Variants in TDRD15 observed in about 807,000 individuals in gnomAD.
TDRD15 encodes the protein tudor domain containing 15, also known as tudor domain-containing protein 15.
For synonymous variants in TDRD15, 503 were observed against 314.5 expected (o/e 1.60, Z -6.34); for missense variants, 1,416 against 904.7 (o/e 1.57, Z -7.25).
intron 2 of TDRD15, among the ~76,000 whole-genome samples, 175 bp from the exon 3 acceptor site, chr2:21,134,587 T>C (rs2103440402): frequency 6.6e-6 from 1 of 152,136 alleles, no homozygotes; most frequent in Admixed American, 6.5e-5. Context: ...TTTATTAGTC[T>C]CATTTACTGA....
In TDRD15 at chr2:21,143,661, A is replaced by T. The variant is rs184880486; in HGVS notation, c.*389A>T. ...TAAAAACATTGCATGATAATAAAAA[A>T]AAACACAGAACACTTAAAAGGTAAA... On this transcript the variant is annotated 3_prime_UTR_variant, in exon 4 of 4. Transcript: ENST00000405799. Among the ~76,000 whole-genome samples, 12 of 151,864 alleles carry T rather than the reference A, an allele frequency of 7.9e-5. No homozygotes were observed. The East Asian group carries it at 2.3e-3, about 29-fold the overall frequency.
chr2:21,132,628 T>C (rs1665740978), intron 2 of TDRD15, among the ~76,000 whole-genome samples: 1 of 152,136 alleles, frequency 6.6e-6, no homozygotes, highest in Non-Finnish European at 1.5e-5. Flanking sequence ...GTAAATTAAA[T>C]TGATTTTAAT....
Position 21,142,435 on chromosome 2 carries a change from A to G in TDRD15, c.4968A>G (p.Leu1656=), listed in dbSNP as rs1665954202. 4.2e-6 allele frequency: 3 copies of G among 709,712 alleles called. No individual in the cohort carries two copies. Among genetic ancestry groups the G allele is most frequent in the Non-Finnish European group, 7.9e-6 (3 of 382,048 alleles). The allele number at this position is 709,712 out of a possible 1,614,324, so 44.0% of individuals were successfully genotyped here. A position where few individuals can be genotyped will look rare whatever the true frequency, so the allele number is the denominator to read the frequency against. The stretch of plus-strand genomic sequence containing the variant: ...CTAAGAACATATCATTTGAGTGCTT[A>G]TTTGCTGATTTGGAAATAAATATTC... ...ENSKNISFEC[L]FADLEINILF... is the part of the protein sequence containing the mutation. The change falls in exon 4 of 4, where the codon TTA becomes TTG. Residue 1656 remains leucine (L), a synonymous_variant. Transcript: ENST00000405799.
At chr2:21,145,728 G>T (rs941116914), downstream of TDRD15, among the ~76,000 whole-genome samples, 6 of 151,834 alleles carry the variant, frequency 4.0e-5, no homozygotes, top group African/African-American at 1.2e-4. Flanking sequence ...AAAATAACTG[G>T]TTTTTATTGC....
chr2:21,127,161 A>AT (rs1022966491), intron 1 of TDRD15, among the ~76,000 whole-genome samples: 83 of 149,968 alleles, frequency 5.5e-4, no homozygotes, highest in Middle Eastern at 3.5e-3. Flanking sequence ...TTTAAATTGG[A>AT]TTTTTTTTTT....
At position 21,138,744 on chromosome 2, in the gene TDRD15, C is replaced by G. The variant is rs1241291374; in HGVS notation, c.1277C>G (p.Ser426Cys). The G allele has an allele frequency of 5.6e-6, 4 of 715,858 alleles. No homozygotes were observed. The highest frequency in any genetic ancestry group is 7.8e-6 in the Non-Finnish European group (3 of 384,192). The allele number at this position is 715,858 out of a possible 1,614,324, so 44.3% of individuals were successfully genotyped here. A position where few individuals can be genotyped will look rare whatever the true frequency, so the allele number is the denominator to read the frequency against. The change falls in exon 4 of 4, where the codon TCT becomes TGT. Residue 426 changes from serine to cysteine, a missense_variant. Coordinates refer to ENST00000405799, the MANE Select transcript of TDRD15 (RefSeq NM_001306137.2). Reference sequence around the variant, plus strand: ...GGCACACAAGTACTTTGTCCGATGTCTGATTCAAAAATCTCCAATATCTTG... The same window carrying G: ...GGCACACAAGTACTTTGTCCGATGTGTGATTCAAAAATCTCCAATATCTTG... ...TVGTQVLCPM[S>C]DSKISNILSE...
At position 21,128,413 on chromosome 2, in the gene TDRD15, C is replaced by G. The variant is rs748327775; in HGVS notation, c.-90+702C>G. On this transcript the variant is annotated intron_variant, in intron 2 of 3. Transcript: ENST00000405799. ...TCTCAGCTCACTGCAAACTCTGCCTCCCGGGTTCACGCCATTCTCCTGCCT... is the reference window on the plus strand; with the variant it reads ...TCTCAGCTCACTGCAAACTCTGCCTGCCGGGTTCACGCCATTCTCCTGCCT... Among the ~76,000 whole-genome samples the G allele has an allele frequency of 1.3e-3, 202 of 151,708 alleles. 2 individuals are homozygous for G. Among genetic ancestry groups the G allele is most frequent in the Non-Finnish European group, 2.6e-4 (18 of 67,942 alleles).
At position 21,142,822 on chromosome 2, in the gene TDRD15, T is replaced by C; in HGVS notation, c.5355T>C (p.Ser1785=). The change falls in exon 4 of 4, where the codon TCT becomes TCC. Residue 1785 remains serine (S), a synonymous_variant. Coordinates refer to ENST00000405799, the MANE Select transcript of TDRD15 (RefSeq NM_001306137.2). ...CTCAGGAGTTCATAATTCCCGGTTC[T>C]AGTTGTTTGTTCAAATATAAATCGG... The part of the protein sequence containing the change: ...TLPQEFIIPG[S]SCLFKYKSED... 1.4e-6 allele frequency: 1 copy of C among 714,986 alleles called. No individual in the cohort carries two copies. The highest frequency in any genetic ancestry group is 2.6e-6 in the Non-Finnish European group (1 of 383,528). The allele number at this position is 714,986 out of a possible 1,614,324, so 44.3% of individuals were successfully genotyped here.
Position 21,138,548 on chromosome 2 carries a change from A to C in TDRD15, c.1081A>C (p.Ser361Arg), listed in dbSNP as rs1665858566. 1 of 715,496 alleles carries C rather than the reference A, an allele frequency of 1.4e-6. No homozygotes were observed. 44.3% of individuals were successfully genotyped at this position (715,496 alleles called of 1,614,324 possible). The change falls in exon 4 of 4, where the codon AGT (serine) becomes CGT (arginine). Residue 361 changes from serine to arginine, a missense_variant. Ser to Arg is a moderately radical substitution (Grantham distance 110). Transcript: ENST00000405799. ...TCCATGTTCTCTGACATGTTTGCAC[A>C]GTCCAGATAGAGATGCAAGAATATT... ...SFPCSLTCLHSPDRDARIFQL... is the reference protein window; with the variant it reads ...SFPCSLTCLHRPDRDARIFQL...
In TDRD15 at chr2:21,139,366, A is replaced by G. The variant is rs1665875847; in HGVS notation, c.1899A>G (p.Lys633=). The G allele has an allele frequency of 1.4e-6, 1 of 704,104 alleles. No individual in the cohort carries two copies. Among genetic ancestry groups the G allele is most frequent in the South Asian group, 1.6e-5 (1 of 64,382 alleles). The allele number at this position is 704,104 out of a possible 1,614,324, so 43.6% of individuals were successfully genotyped here. A position where few individuals can be genotyped will look rare whatever the true frequency, so the allele number is the denominator to read the frequency against. ...KAILLQVIAK[K]DDKYTVNIQS... ...TTTTGCTTCAGGTTATAGCAAAAAA[A>G]GATGACAAGTACACTGTAAATATTC... The change falls in exon 4 of 4, where the codon AAA becomes AAG. Residue 633 remains lysine, a synonymous_variant. Transcript: ENST00000405799.
chr2:21,137,788 T>A lies in TDRD15; in HGVS notation c.321T>A (p.Ile107=). The A allele has an allele frequency of 1.4e-6, 1 of 716,634 alleles. No individual in the cohort carries two copies. The highest frequency in any genetic ancestry group is 2.6e-6 in the Non-Finnish European group (1 of 384,510). 44.4% of individuals were successfully genotyped at this position (716,634 alleles called of 1,614,324 possible). A position where few individuals can be genotyped will look rare whatever the true frequency, so the allele number is the denominator to read the frequency against. The change falls in exon 4 of 4, where the codon ATT becomes ATA. Residue 107 remains isoleucine (I), a synonymous_variant. Coordinates refer to ENST00000405799, the MANE Select transcript of TDRD15 (RefSeq NM_001306137.2). ...AACTAAGAGTTGCTGGTCCACAGAT[T>A]GCTTCAGCCTGTGGCAATTTATTTG... The part of the protein sequence containing the change: ...GEELRVAGPQ[I]ASACGNLFEL...
In TDRD15 at chr2:21,144,323, G is replaced by A. The variant is rs1415810154; in HGVS notation, c.*1051G>A. On this transcript the variant is annotated 3_prime_UTR_variant, in exon 4 of 4. Coordinates refer to ENST00000405799, the MANE Select transcript of TDRD15 (RefSeq NM_001306137.2). ...TTGTAGGCTGTAAAGAATGTTCCCCGGCAAATGTTTGTTTTGACTTTATAA... is the reference window on the plus strand; with the variant it reads ...TTGTAGGCTGTAAAGAATGTTCCCCAGCAAATGTTTGTTTTGACTTTATAA... 1.3e-5 allele frequency among the ~76,000 whole-genome samples: 2 copies of A among 151,726 alleles called. No individual in the cohort carries two copies. The highest frequency in any genetic ancestry group is 2.1e-4 in the South Asian group (1 of 4,824).
chr2:21,141,370 A>G lies in TDRD15; in HGVS notation c.3903A>G (p.Val1301=). Residue 1301 remains valine (V), a synonymous_variant, in exon 4 of 4, where the codon GTA becomes GTG. Transcript: ENST00000405799. ...IYLNAKVKGY[V]SNISNPANFH... ...TGAATGCCAAAGTTAAAGGGTATGT[A>G]TCTAATATCAGTAATCCAGCGAATT... is the stretch of plus-strand genomic sequence containing the variant. 1.4e-6 allele frequency: 1 copy of G among 715,434 alleles called. No homozygotes were observed. The highest frequency in any genetic ancestry group is 2.6e-6 in the Non-Finnish European group (1 of 383,774). 44.3% of individuals were successfully genotyped at this position (715,434 alleles called of 1,614,324 possible). A position where few individuals can be genotyped will look rare whatever the true frequency, so the allele number is the denominator to read the frequency against.
chr2:21,135,080 ATTAGT>A (rs1284978985), intron 3 of TDRD15, among the ~76,000 whole-genome samples: 1 of 146,142 alleles, frequency 6.8e-6, no homozygotes, highest in African/African-American at 2.5e-5. Context: ...TATATAAACA[ATTAGT>A]TTAGTTCTAA....
intron 1 of TDRD15, among the ~76,000 whole-genome samples, 152 bp from the exon 2 acceptor site, chr2:21,127,449 G>A (rs916073503): frequency 6.6e-5 from 10 of 152,088 alleles, no homozygotes; most frequent in Admixed American, 2.0e-4. Flanking sequence ...GTTCTTATAT[G>A]TGGGTTTATA....
chr2:21,126,338 C>T (rs909071763), intron 1 of TDRD15, among the ~76,000 whole-genome samples: 9 of 151,832 alleles, frequency 5.9e-5, no homozygotes, highest in African/African-American at 2.2e-4. Context: ...GAGAATCATC[C>T]ATGTTTTTAT....
At chr2:21,135,513 G>A (rs1390661611) in intron 3 of TDRD15, among the ~76,000 whole-genome samples, 3 of 151,958 alleles carry the variant, frequency 2.0e-5, no homozygotes, top group South Asian at 2.1e-4. Context: ...TTCTTCAGAC[G>A]TTTTTGTAAT....
rs1012407025 is a variant in TDRD15, at chr2:21,137,633, G to C, written c.166G>C (p.Val56Leu). Reference protein sequence around the residue: ...LQREIQHTPKVKNNVEIDEFC... With the variant: ...LQREIQHTPKLKNNVEIDEFC... Reference sequence around the variant, plus strand: ...GAGAGAAATACAACATACTCCAAAAGTGAAAAATAATGTGGAAATTGATGA... The same window carrying C: ...GAGAGAAATACAACATACTCCAAAACTGAAAAATAATGTGGAAATTGATGA... The change falls in exon 4 of 4, where the codon GTG becomes CTG. Residue 56 changes from valine to leucine, a missense_variant. Val to Leu is a conservative substitution (Grantham distance 32). Coordinates refer to ENST00000405799, the MANE Select transcript of TDRD15 (RefSeq NM_001306137.2). 12 of 714,140 alleles carry C rather than the reference G, an allele frequency of 1.7e-5. No individual in the cohort carries two copies. The highest frequency in any genetic ancestry group is 2.9e-5 in the Non-Finnish European group (11 of 383,814). The allele number at this position is 714,140 out of a possible 1,614,324, so 44.2% of individuals were successfully genotyped here. A position where few individuals can be genotyped will look rare whatever the true frequency, so the allele number is the denominator to read the frequency against.
Position 21,142,479 on chromosome 2 carries a change from A to G in TDRD15, c.5012A>G (p.Asp1671Gly), listed in dbSNP as rs1665955103. 1.4e-6 allele frequency: 1 copy of G among 705,376 alleles called. No individual in the cohort carries two copies. The allele number at this position is 705,376 out of a possible 1,614,324, so 43.7% of individuals were successfully genotyped here. A position where few individuals can be genotyped will look rare whatever the true frequency, so the allele number is the denominator to read the frequency against. ...EINILFLKYL[D>G]AVWEVEILVD... ...AATATTCTTTTCCTGAAATATTTAGATGCTGTTTGGGAAGTAGAAATTTTG... is the reference window on the plus strand; with the variant it reads ...AATATTCTTTTCCTGAAATATTTAGGTGCTGTTTGGGAAGTAGAAATTTTG... Residue 1671 changes from aspartate to glycine, a missense_variant, in exon 4 of 4, where the codon GAT (aspartate) becomes GGT (glycine). Coordinates refer to ENST00000405799, the MANE Select transcript of TDRD15 (RefSeq NM_001306137.2).
Sources: allele counts gnomAD v4.1 joint callset (sites outside exome capture counted in the v4.1 genomes callset), GRCh38; gene constraint gnomAD v4.1.1; transcripts MANE v1.5; gene names NCBI Gene and HGNC (gene_info 2026-07-23, HGNC 2026-07-21).